The following CNTN5 variants were observed in gnomAD, a reference collection of about 807,000 sequenced individuals.
CNTN5 encodes the protein contactin-5.
Under a neutral mutation model 129.1 loss-of-function variants are expected in CNTN5, and 77 were observed. The ratio of observed to expected loss-of-function variants is 0.60; its 90% CI spans 0.50 to 0.72. The LOEUF (loss-of-function observed/expected upper bound fraction) is 0.72, where lower values mean the gene tolerates loss of function less well. Ranked by LOEUF, CNTN5 falls within the 30% of genes least tolerant of loss-of-function variation. The pLI, the probability that CNTN5 is intolerant of heterozygous loss-of-function variation, is 0.00. For synonymous variants in CNTN5, 509 were observed against 465.6 expected (o/e 1.09, Z -1.20); for missense variants, 1,478 against 1,328.8 (o/e 1.11, Z -1.75).
chr11:99,839,467 G>C (rs1319603038), intron 4 of CNTN5, among the ~76,000 whole-genome samples: 1 of 152,012 alleles, frequency 6.6e-6, no homozygotes, highest in Non-Finnish European at 1.5e-5. Context: ...CATTGAAGTT[G>C]AGGCAGAGGG....
At chr11:100,309,462 T>G (rs377641631) in intron 21 of CNTN5, 1 of 969,330 alleles carries the variant, frequency 1.0e-6, no homozygotes, top group East Asian at 1.1e-4. Context: ...AAGAACAATT[T>G]ATGGGAAACC....
intron 1 of CNTN5, among the ~76,000 whole-genome samples, chr11:99,276,857 T>G (rs947273504): frequency 3.3e-5 from 5 of 151,632 alleles, no homozygotes; most frequent in African/African-American, 7.3e-5. Context: ...TAAGTATTTC[T>G]AATTTTCTCC....
At position 99,325,016 on chromosome 11, in the gene CNTN5, G is replaced by A. The variant is rs1865725052; in HGVS notation, c.-209-330G>A. ...AATAGCATAGAATTTTCATATTATT[G>A]TCTTATAAATATTAAGAAAAGCTTG... On this transcript the variant is annotated intron_variant, in intron 1 of 24. Transcript: ENST00000524871. Among the ~76,000 whole-genome samples, 3 of 152,102 alleles carry A rather than the reference G, an allele frequency of 2.0e-5. No individual in the cohort carries two copies. In the South Asian group the frequency reaches 6.2e-4, roughly 32 times the overall value.
intron 3 of CNTN5, among the ~76,000 whole-genome samples, chr11:99,791,844 G>A (rs1945754456): frequency 6.6e-6 from 1 of 151,984 alleles, no homozygotes; most frequent in Non-Finnish European, 1.5e-5. Context: ...TGTATTCCTA[G>A]GTATTTTATT....
chr11:100,091,292 G>A (rs1486430856), intron 13 of CNTN5, among the ~76,000 whole-genome samples: 2 of 151,654 alleles, frequency 1.3e-5, no homozygotes, highest in Non-Finnish European at 2.9e-5. Flanking sequence ...TTACCTTCTC[G>A]GAGGCCTTCC....
At chr11:99,771,883 G>A (rs571412936) in intron 3 of CNTN5, among the ~76,000 whole-genome samples, 84 of 151,960 alleles carry the variant, frequency 5.5e-4, no homozygotes, top group African/African-American at 2.0e-3. Flanking sequence ...CCTAAAGAAA[G>A]GGAAATGGTG....
chr11:99,133,411 C>A (rs1262847450), intron 1 of CNTN5, among the ~76,000 whole-genome samples: 2 of 151,608 alleles, frequency 1.3e-5, no homozygotes, highest in African/African-American at 2.4e-5. Context: ...CAAATGGGAT[C>A]TAATTAAATG....
chr11:99,355,823 T>TTG (rs1422043320), intron 2 of CNTN5, among the ~76,000 whole-genome samples: 5 of 118,436 alleles, frequency 4.2e-5, no homozygotes, highest in African/African-American at 7.2e-5. Flanking sequence ...TTTTTTTTGT[T>TTG]TTTTTTTTTT....
intron 1 of CNTN5, among the ~76,000 whole-genome samples, chr11:99,164,542 A>G (rs1347339014): frequency 6.6e-6 from 1 of 152,192 alleles, no homozygotes; most frequent in East Asian, 1.9e-4. Context: ...ATAGTTACGT[A>G]GTACAATTCT....
At chr11:99,176,183 T>C (rs1265800365) in intron 1 of CNTN5, among the ~76,000 whole-genome samples, 1 of 152,216 alleles carries the variant, frequency 6.6e-6, no homozygotes, top group Non-Finnish European at 1.5e-5. Flanking sequence ...AATCACTTTG[T>C]CGTGTTTCTT....
At chr11:99,558,878 T>C (rs542999260) in intron 3 of CNTN5, among the ~76,000 whole-genome samples, 7 of 152,200 alleles carry the variant, frequency 4.6e-5, no homozygotes, top group Admixed American at 1.3e-4. Context: ...GCAGCAAATA[T>C]TCAGTTGCTT....
intron 16 of CNTN5, among the ~76,000 whole-genome samples, chr11:100,247,835 T>C (rs1050591075): frequency 6.6e-6 from 1 of 152,176 alleles, no homozygotes; most frequent in Admixed American, 6.5e-5. Flanking sequence ...TCCTTTTCCA[T>C]TGAGTCAACA....
intron 2 of CNTN5, among the ~76,000 whole-genome samples, chr11:99,382,875 T>TTTTTTTAC (rs1491151565): frequency 7.0e-6 from 1 of 142,464 alleles, no homozygotes. Flanking sequence ...TTTTTTTTTT[T>TTTTTTTAC]AGACAGAGTC....
At chr11:99,542,939 A>G (rs1174089094) in intron 2 of CNTN5, among the ~76,000 whole-genome samples, 1 of 152,220 alleles carries the variant, frequency 6.6e-6, no homozygotes, top group Non-Finnish European at 1.5e-5. Flanking sequence ...AGGAACTTAG[A>G]GCAAGGTATC....
intron 3 of CNTN5, among the ~76,000 whole-genome samples, chr11:99,810,778 C>A (rs1049956362): frequency 6.6e-6 from 1 of 152,058 alleles, no homozygotes; most frequent in African/African-American, 2.4e-5. Flanking sequence ...GAGAGGACAG[C>A]CTTAGCAATT....
chr11:99,945,494 G>GTGTC (rs1950535468), intron 7 of CNTN5, among the ~76,000 whole-genome samples: 4 of 130,936 alleles, frequency 3.1e-5, no homozygotes, highest in African/African-American at 1.1e-4. Flanking sequence ...CTGTGCGTGT[G>GTGTC]TGTGTGTGTG....
At chr11:99,904,492 T>A (rs1949443874) in intron 6 of CNTN5, among the ~76,000 whole-genome samples, 1 of 148,672 alleles carries the variant, frequency 6.7e-6, no homozygotes, top group Non-Finnish European at 1.5e-5. Flanking sequence ...TACGGCTGCA[T>A]AGTATTCCAT....
At chr11:99,652,771 T>C (rs116357882) in intron 3 of CNTN5, among the ~76,000 whole-genome samples, 1,782 of 152,196 alleles carry the variant, frequency 0.012, 36 homozygotes, top group African/African-American at 0.04. Context: ...CATTATTTTG[T>C]GTGTTATTAA....
chr11:99,797,556 C>A (rs1945983746), intron 3 of CNTN5, among the ~76,000 whole-genome samples: 1 of 152,102 alleles, frequency 6.6e-6, no homozygotes, highest in South Asian at 2.1e-4. Flanking sequence ...TTTCAGGCTT[C>A]TTGGCCACTT....
Sources: gnomAD v4.1 joint callset for allele counts (sites outside exome capture counted in the v4.1 genomes callset) on GRCh38, gnomAD v4.1.1 for gene constraint, MANE v1.5 for transcripts, NCBI Gene and HGNC (gene_info 2026-07-23, HGNC 2026-07-21) for gene names.